Variants in ABCC8 observed in about 807,000 individuals in gnomAD.
ABCC8 encodes ATP binding cassette subfamily C member 8, also known as ATP-binding cassette sub-family C member 8.
ABCC8 carries 137 observed loss-of-function variants against 188.0 expected under a neutral mutation model. The ratio of observed to expected loss-of-function variants is 0.73; its 90% CI spans 0.63 to 0.84. The LOEUF (loss-of-function observed/expected upper bound fraction) is 0.84. Ranked by LOEUF, ABCC8 falls within the 40% of genes least tolerant of loss-of-function variation. The probability of loss-of-function intolerance (pLI) is 0.00; values close to 1 mark genes in which losing one functional copy is unlikely to be tolerated. For synonymous variants in ABCC8, 797 were observed against 846.5 expected (o/e 0.94, Z 1.01); for missense variants, 1,750 against 2,072.7 (o/e 0.84, Z 3.02).
chr11:17,426,538 C>T (rs1955590052), intron 16 of ABCC8, among the ~76,000 whole-genome samples: 1 of 152,160 alleles, frequency 6.6e-6, no homozygotes, highest in Admixed American at 6.6e-5. Context: ...GTGATCTTTG[C>T]CCAGAAACCA....
At position 17,436,138 on chromosome 11, in the gene ABCC8, C is replaced by T. The variant is rs1176192083; in HGVS notation, c.1631-3894G>A. On this transcript the variant is annotated intron_variant, in intron 10 of 38. Transcript: ENST00000389817. Reference sequence around the variant, plus strand: ...ACAGAGCTGAGGGCTAAAGTGGGCTCGGAGGCAATGACAACCAACATGTCT... The same window carrying T: ...ACAGAGCTGAGGGCTAAAGTGGGCTTGGAGGCAATGACAACCAACATGTCT... 30 of 770,980 alleles carry T rather than the reference C, an allele frequency of 3.9e-5. 1 individual carries two copies. Among genetic ancestry groups the T allele is most frequent in the South Asian group, 9.5e-5 (7 of 73,848 alleles). 47.8% of individuals were successfully genotyped at this position (770,980 alleles called of 1,614,324 possible).
At chr11:17,431,503 C>A (rs1310283652) in intron 11 of ABCC8, among the ~76,000 whole-genome samples, 1 of 152,192 alleles carries the variant, frequency 6.6e-6, no homozygotes, top group Admixed American at 6.5e-5. Flanking sequence ...GACACTGGCC[C>A]CGGGGGAAAT....
At chr11:17,407,540 T>A in intron 23 of ABCC8, 87 bp from the exon 24 acceptor site, 28 of 1,589,670 alleles carry the variant, frequency 1.8e-5, no homozygotes, top group Non-Finnish European at 2.4e-5. Flanking sequence ...ACTCTGGTGA[T>A]GACCAATGTC....
rs745652559 is a variant in ABCC8, at chr11:17,430,927, C to T, written c.1704G>A (p.Glu568=). The T allele has an allele frequency of 6.0e-5, 97 of 1,614,104 alleles. No homozygotes were observed. The highest frequency in any genetic ancestry group is 8.1e-5 in the Non-Finnish European group (96 of 1,180,042). Residue 568 remains glutamate (E), a synonymous_variant, in exon 12 of 39, where the codon GAG becomes GAA. Transcript: ENST00000389817. ...AGGCCACGGAGGGCGAGAAGTCGGC[C>T]TCTTTGAAGAAGCTGACGTGGCCCA... is the stretch of plus-strand genomic sequence containing the variant. ...TFVGHVSFFK[E]ADFSPSVAFA... is the part of the protein sequence containing the mutation.
intron 3 of ABCC8, chr11:17,465,451 A>G (rs995881318): frequency 3.3e-5 from 5 of 152,298 alleles, no homozygotes; most frequent in African/African-American, 1.2e-4. Context: ...TGTCTTGTGC[A>G]AGGTCACACA....
downstream of ABCC8, chr11:17,392,881 C>T: frequency 7.3e-7 from 1 of 1,374,064 alleles, no homozygotes; most frequent in Non-Finnish European, 1.0e-6. Flanking sequence ...CTTAGGGCCT[C>T]TAGTAGGAAA....
At chr11:17,451,793 T>C (rs1304790641) in intron 7 of ABCC8, among the ~76,000 whole-genome samples, 1 of 152,254 alleles carries the variant, frequency 6.6e-6, no homozygotes, top group African/African-American at 2.4e-5. Context: ...CCAAGCTCTT[T>C]CTAGACTCTC....
At position 17,461,742 on chromosome 11, in the gene ABCC8, G is replaced by A. The variant is rs770293918; in HGVS notation, c.663C>T (p.Phe221=). 1.9e-6 allele frequency: 3 copies of A among 1,614,194 alleles called. No homozygotes were observed. Among genetic ancestry groups the A allele is most frequent in the Admixed American group, 1.7e-5 (1 of 60,032 alleles). ...QDLGVRFLQP[F]VNLLSKGTYW... is the part of the protein sequence containing the mutation. ...AGGTGCCTTTGGACAGCAGATTCAC[G>A]AAGGGCTGCAGGAAGCGTACCCCCA... Residue 221 remains phenylalanine, a synonymous_variant, in exon 5 of 39, where the codon TTC becomes TTT. Transcript: ENST00000389817.
chr11:17,416,098 G>A (rs1313907054), intron 17 of ABCC8, among the ~76,000 whole-genome samples: 1 of 152,222 alleles, frequency 6.6e-6, no homozygotes, highest in Non-Finnish European at 1.5e-5. Flanking sequence ...TTGGGGACAA[G>A]GAGGGAGAAA....
intron 2 of ABCC8, among the ~76,000 whole-genome samples, chr11:17,472,277 T>C (rs11024299): frequency 0.36 from 54,229 of 152,096 alleles, 9,853 homozygotes; most frequent in Middle Eastern, 0.45. Context: ...AAGTTTTATA[T>C]ACAGGCTTTA....
chr11:17,392,556 T>C, downstream of ABCC8: 1 of 278,892 alleles, frequency 3.6e-6, no homozygotes, highest in Non-Finnish European at 7.0e-6. Context: ...AAAGCAGGGA[T>C]GCATGTGCAC....
chr11:17,425,893 T>C (rs7114932), intron 16 of ABCC8, among the ~76,000 whole-genome samples: 7,957 of 150,774 alleles, frequency 0.053, 708 homozygotes, highest in African/African-American at 0.19. Flanking sequence ...TGTCCATGTG[T>C]TCTCATTGTT....
In ABCC8 at chr11:17,450,920, C is replaced by T. The variant is rs572883487; in HGVS notation, c.1176+2199G>A. Among the ~76,000 whole-genome samples, 8 of 151,998 alleles carry T rather than the reference C, an allele frequency of 5.3e-5. No homozygotes were observed. The South Asian group carries it at 1.5e-3, about 28-fold the overall frequency. On this transcript the variant is annotated intron_variant, in intron 7 of 38. Transcript: ENST00000389817. ...GTCAGGCTGGTCTCAAACTTCTGAC[C>T]TTGTGATCCACCCGCCTCAGCCTCC...
At chr11:17,476,145 C>T (rs1327556524) in intron 1 of ABCC8, among the ~76,000 whole-genome samples, 1 of 152,156 alleles carries the variant, frequency 6.6e-6, no homozygotes, top group Non-Finnish European at 1.5e-5. Context: ...GCGGCTCAGC[C>T]CGGTGAAAGC....
chr11:17,460,634 G>T lies in ABCC8; in HGVS notation c.865C>A (p.Gln289Lys). The change falls in exon 6 of 39, where the codon CAG (glutamine) becomes AAG (lysine). Residue 289 changes from glutamine to lysine, a missense_variant. Transcript: ENST00000389817. ...QGTQGARAIW[Q>K]ALSHAFGRRL... The stretch of plus-strand genomic sequence containing the variant: ...CTCCCGAAGGCATGGCTGAGTGCCT[G>T]CCAGATGGCCCGGGCACCTTGAGTG... 1 of 1,612,052 alleles carries T rather than the reference G, an allele frequency of 6.2e-7. No homozygotes were observed. The highest frequency in any genetic ancestry group is 1.1e-5 in the South Asian group (1 of 91,078).
At chr11:17,476,542 G>C in intron 1 of ABCC8, 87 bp downstream of exon 1, 2 of 1,510,676 alleles carry the variant, frequency 1.3e-6, no homozygotes, top group Non-Finnish European at 9.0e-7. Context: ...GGGCCGGAAG[G>C]GGACGCCGAG....
At chr11:17,420,708 C>G (rs1360268051) in intron 16 of ABCC8, among the ~76,000 whole-genome samples, 1 of 152,216 alleles carries the variant, frequency 6.6e-6, no homozygotes, top group Non-Finnish European at 1.5e-5. Context: ...GTGGGAGCCT[C>G]TTCCCCACGC....
chr11:17,461,385 C>T, intron 5 of ABCC8, 198 bp downstream of exon 5: 3 of 686,518 alleles, frequency 4.4e-6, no homozygotes, highest in East Asian at 2.8e-5. Context: ...GCCATTCCAA[C>T]TGTGCCTGTC....
Position 17,404,136 on chromosome 11 carries a change from G to A in ABCC8, c.3557+376C>T, listed in dbSNP as rs1456588604. On this transcript the variant is annotated intron_variant, in intron 28 of 38. Coordinates refer to ENST00000389817, the MANE Select transcript of ABCC8 (RefSeq NM_000352.6). This position sits in a 1 kb window ranked among gnomAD's most constrained non-coding sequence, Gnocchi z 4.7. ...GGGAGGTGTTATCATAACACTGCTTGAATCAGGTGCCCGCCGATTTCATGC... is the reference window on the plus strand; with the variant it reads ...GGGAGGTGTTATCATAACACTGCTTAAATCAGGTGCCCGCCGATTTCATGC... 6.6e-6 allele frequency among the ~76,000 whole-genome samples: 1 copy of A among 152,156 alleles called. No individual in the cohort carries two copies. The highest frequency in any genetic ancestry group is 1.5e-5 in the Non-Finnish European group (1 of 68,026).
Sources: allele counts gnomAD v4.1 joint callset (sites outside exome capture counted in the v4.1 genomes callset), GRCh38; gene constraint gnomAD v4.1.1; non-coding constraint Gnocchi (gnomAD v3.1); transcripts MANE v1.5; gene names NCBI Gene and HGNC (gene_info 2026-07-23, HGNC 2026-07-21).